Variants in DIP2C observed in about 807,000 individuals in gnomAD.
DIP2C encodes the protein DIP2 acetate--CoA ligase C (putative).
In DIP2C, 33 loss-of-function variants were observed where a neutral mutation model predicts 192.4. The observed-to-expected ratio is 0.17, with a 90% confidence interval of 0.13 to 0.23. The LOEUF is 0.23. Ranked by LOEUF, DIP2C falls within the 10% of genes least tolerant of loss-of-function variation. DIP2C has a pLI of 1.00. For synonymous variants in DIP2C, 979 were observed against 864.1 expected, an observed-to-expected ratio of 1.13 and a Z score of -2.33; for missense variants, 1,537 against 2,110.1, an observed-to-expected ratio of 0.73 and a Z score of 5.32.
At chr10:568,939 A>G (rs1249281076) in intron 1 of DIP2C, among the ~76,000 whole-genome samples, 1 of 152,168 alleles carries the variant, frequency 6.6e-6, no homozygotes, top group Non-Finnish European at 1.5e-5. Context: ...GATGGCCTGC[A>G]ACAAGGAGGA....
chr10:554,458 T>C (rs1413476825), intron 1 of DIP2C, among the ~76,000 whole-genome samples: 2 of 152,270 alleles, frequency 1.3e-5, no homozygotes, highest in Admixed American at 1.3e-4. Flanking sequence ...ACTTTCTATG[T>C]GCTGCTTATA....
At chr10:377,141 GT>G (rs5782549) in intron 17 of DIP2C, among the ~76,000 whole-genome samples, 1,827 of 138,594 alleles carry the variant, frequency 0.013, 23 homozygotes, top group African/African-American at 0.034. Flanking sequence ...GTGCAGCGCA[GT>G]TTTTTTTTTT....
intron 4 of DIP2C, among the ~76,000 whole-genome samples, chr10:437,177 T>A (rs1967323723): frequency 7.1e-6 from 1 of 140,966 alleles, no homozygotes; most frequent in East Asian, 2.2e-4. Flanking sequence ...GGTGATATGC[T>A]CCACCCACAC....
At chr10:521,253 AAACAAAGGAACAGCACCC>A (rs1421184844) in intron 1 of DIP2C, among the ~76,000 whole-genome samples, 2 of 152,078 alleles carry the variant, frequency 1.3e-5, no homozygotes. Context: ...ACCAAGCAGC[AAACAAAGGAACAGCACCC>A]AACAACTGAA....
In DIP2C at chr10:390,008, G is replaced by A; in HGVS notation, c.1580C>T (p.Ala527Val). The A allele has an allele frequency of 6.2e-7, 1 of 1,613,716 alleles. No individual in the cohort carries two copies. The highest frequency in any genetic ancestry group is 8.5e-7 in the Non-Finnish European group (1 of 1,179,768). The change falls in exon 13 of 37, where the codon GCG becomes GTG. Residue 527 changes from alanine (A) to valine (V), a missense_variant. This residue lies in a region of DIP2C where 677 missense variants were observed against 989.9 expected (regional missense o/e 0.68). Transcript: ENST00000280886. ...LLTHCQALTQ[A>V]CGYTEAETIV... ...CACCCCACCTTCCGTGTAGCCACAC[G>A]CCTGCGTCAGGGCCTGGCAGTGTGT...
chr10:544,073 G>A (rs1848150256), intron 1 of DIP2C, among the ~76,000 whole-genome samples: 1 of 152,226 alleles, frequency 6.6e-6, no homozygotes, highest in Non-Finnish European at 1.5e-5. Flanking sequence ...ATCGTACAGT[G>A]CGTGACCTTT....
At position 347,457 on chromosome 10, in the gene DIP2C, C is replaced by T. The variant is rs1186013934; in HGVS notation, c.3231+1184G>A. 1.0e-4 allele frequency among the ~76,000 whole-genome samples: 14 copies of T among 134,140 alleles called. 1 individual carries two copies. The highest frequency in any genetic ancestry group is 2.0e-4 in the African/African-American group (7 of 34,192). The allele number at this position is 134,140 out of a possible 152,430, so 88.0% of individuals were successfully genotyped here. Reference sequence around the variant, plus strand: ...ACGTCACACGCACCCAGACACATCGCGCATAGTTCTCCCGGAAACCCCACA... The same window carrying T: ...ACGTCACACGCACCCAGACACATCGTGCATAGTTCTCCCGGAAACCCCACA... On this transcript the variant is annotated intron_variant, in intron 26 of 36. Coordinates refer to ENST00000280886, the MANE Select transcript of DIP2C (RefSeq NM_014974.3).
intron 20 of DIP2C, among the ~76,000 whole-genome samples, chr10:364,145 G>C (rs1959890660): frequency 6.6e-6 from 1 of 152,172 alleles, no homozygotes; most frequent in East Asian, 1.9e-4. Context: ...ACTTAGAGGG[G>C]AAGTTCAATG....
chr10:650,094 G>T (rs1855758554), intron 1 of DIP2C: 4 of 716,480 alleles, frequency 5.6e-6, no homozygotes, highest in Non-Finnish European at 1.0e-5. Flanking sequence ...AAAATAGCTT[G>T]ACACCTCCTG....
At chr10:469,622 A>G (rs1276754588) in intron 3 of DIP2C, among the ~76,000 whole-genome samples, 1 of 152,112 alleles carries the variant, frequency 6.6e-6, no homozygotes, top group Non-Finnish European at 1.5e-5. Flanking sequence ...CAGCCCTGAC[A>G]GATATCTCTT....
chr10:611,969 CT>C (rs551062553), intron 1 of DIP2C, among the ~76,000 whole-genome samples: 2,048 of 89,622 alleles, frequency 0.023, 28 homozygotes, highest in Non-Finnish European at 0.046. Context: ...TTTCAGACAG[CT>C]TTTTTTTAAG....
rs1242756516 is a variant in DIP2C, at chr10:440,972, G to A, written c.293C>T (p.Ala98Val). 3 of 1,613,436 alleles carry A rather than the reference G, an allele frequency of 1.9e-6. No homozygotes were observed. Among genetic ancestry groups the A allele is most frequent in the South Asian group, 1.1e-5 (1 of 91,040 alleles). ...CCGCTCTTTGTGTTTGGCCAGAGCCGCCTGGACAGCTTCCGTGTGGACGTC... is the reference window on the plus strand; with the variant it reads ...CCGCTCTTTGTGTTTGGCCAGAGCCACCTGGACAGCTTCCGTGTGGACGTC... Reference protein sequence around the residue: ...RSDVHTEAVQAALAKHKERKM... With the variant: ...RSDVHTEAVQVALAKHKERKM... Residue 98 changes from alanine to valine, a missense_variant, in exon 4 of 37, where the codon GCG becomes GTG. Transcript: ENST00000280886.
At position 389,984 on chromosome 10, in the gene DIP2C, ACC is replaced by A; in HGVS notation, c.1597+5_1597+6del. ...GGGTCCCAAGGAGTCAGGGTCTGGC[ACC>A]CCACCTTCCGTGTAGCCACACGCCT... On this transcript the variant is annotated splice_donor_5th_base_variant and intron_variant, in intron 13 of 36. Coordinates refer to ENST00000280886, the MANE Select transcript of DIP2C (RefSeq NM_014974.3). The A allele has an allele frequency of 6.2e-7, 1 of 1,610,168 alleles. No individual in the cohort carries two copies. The highest frequency in any genetic ancestry group is 8.5e-7 in the Non-Finnish European group (1 of 1,178,008).
At chr10:281,028 C>A (rs1391288614) in intron 36 of DIP2C, among the ~76,000 whole-genome samples, 172 bp downstream of exon 36, 2 of 152,158 alleles carry the variant, frequency 1.3e-5, no homozygotes, top group African/African-American at 4.8e-5. Flanking sequence ...CTACATGTGG[C>A]ATGTTCTTTT....
At chr10:529,502 ATT>A (rs1812899026) in intron 1 of DIP2C, among the ~76,000 whole-genome samples, 2 of 152,276 alleles carry the variant, frequency 1.3e-5, no homozygotes, top group East Asian at 3.9e-4. Context: ...TAGACAACCT[ATT>A]TTACTGTTGC....
chr10:563,504 G>T (rs187628107), intron 1 of DIP2C, among the ~76,000 whole-genome samples: 1 of 152,150 alleles, frequency 6.6e-6, no homozygotes, highest in African/African-American at 2.4e-5. Context: ...GGCATACAGT[G>T]TACGTCAACA....
chr10:540,608 G>C (rs1264665870), intron 1 of DIP2C, among the ~76,000 whole-genome samples: 1 of 152,192 alleles, frequency 6.6e-6, no homozygotes, highest in Non-Finnish European at 1.5e-5. Flanking sequence ...TTCAAGCTTG[G>C]GGAGACCAAG....
intron 1 of DIP2C, among the ~76,000 whole-genome samples, chr10:617,015 T>C (rs1341133501): frequency 1.3e-5 from 2 of 152,030 alleles, no homozygotes; most frequent in Non-Finnish European, 2.9e-5. Flanking sequence ...GACTGAGATT[T>C]CACATAAAAT....
rs1239744649 is a variant in DIP2C at position 678,688 on chromosome 10, CCCCACA to C, written c.85+10800_85+10805del. On this transcript the variant is annotated intron_variant, in intron 1 of 36. Coordinates refer to ENST00000280886, the MANE Select transcript of DIP2C (RefSeq NM_014974.3). ...GTGCCCAGCTCCCCACGCCCATGCTCCCCACACCCGTTCTCCCCACGCCCATGCTCC... is the reference window on the plus strand; with the variant it reads ...GTGCCCAGCTCCCCACGCCCATGCTCCCCGTTCTCCCCACGCCCATGCTCC... Among the ~76,000 whole-genome samples the C allele has an allele frequency of 2.4e-3, 41 of 17,142 alleles. 2 individuals are homozygous for C. The highest frequency in any genetic ancestry group is 3.1e-3 in the African/African-American group (37 of 12,070). 11.2% of individuals were successfully genotyped at this position (17,142 alleles called of 152,430 possible). A position where few individuals can be genotyped will look rare whatever the true frequency, so the allele number is the denominator to read the frequency against.
Sources: allele counts gnomAD v4.1 joint callset (sites outside exome capture counted in the v4.1 genomes callset), GRCh38; gene constraint gnomAD v4.1.1; regional missense constraint gnomAD v4.1.1; transcripts MANE v1.5; gene names NCBI Gene and HGNC (gene_info 2026-07-23, HGNC 2026-07-21).